Variants in KCNIP4 observed in about 807,000 individuals in gnomAD.
The protein encoded by KCNIP4 is Kv channel-interacting protein 4.
KCNIP4 carries 12 observed loss-of-function variants against 34.0 expected under a neutral mutation model. The observed-to-expected ratio is 0.35, with a 90% CI of 0.23 to 0.57. KCNIP4 has a LOEUF of 0.57. KCNIP4 is among the 20% of genes least tolerant of loss of function. The pLI is 0.83. For missense variants in KCNIP4, 238 were observed against 311.7 expected, an observed-to-expected ratio of 0.76 and a Z score of 1.78; for synonymous variants, 124 against 102.2, an observed-to-expected ratio of 1.21 and a Z score of -1.29.
intron 1 of KCNIP4, among the ~76,000 whole-genome samples, chr4:21,227,846 G>A (rs1758513265): frequency 6.6e-6 from 1 of 152,140 alleles, no homozygotes; most frequent in Non-Finnish European, 1.5e-5. Context: ...TACTCCTGGA[G>A]GAGCGGACAG....
At chr4:21,566,585 T>C (rs972639928) in intron 1 of KCNIP4, among the ~76,000 whole-genome samples, 8 of 152,178 alleles carry the variant, frequency 5.3e-5, no homozygotes, top group African/African-American at 1.7e-4. Context: ...CTGTACAGTT[T>C]ATGGAACTGT....
chr4:21,457,151 A>T (rs1485891543), intron 1 of KCNIP4, among the ~76,000 whole-genome samples: 1 of 151,824 alleles, frequency 6.6e-6, no homozygotes, highest in Non-Finnish European at 1.5e-5. Context: ...TGGAGTCTAG[A>T]TTTCTTCCTT....
At chr4:21,319,097 G>A (rs1018794327) in intron 1 of KCNIP4, among the ~76,000 whole-genome samples, 1 of 152,268 alleles carries the variant, frequency 6.6e-6, no homozygotes, top group Non-Finnish European at 1.5e-5. Flanking sequence ...TACATTCAAC[G>A]AGGCGCGAAT....
chr4:20,768,366 A>G (rs370749975), intron 3 of KCNIP4, among the ~76,000 whole-genome samples: 7 of 152,206 alleles, frequency 4.6e-5, no homozygotes, highest in African/African-American at 1.4e-4. Flanking sequence ...CACAATGACT[A>G]TGATCGCAGA....
At chr4:20,992,955 G>A (rs1053739559) in intron 1 of KCNIP4, among the ~76,000 whole-genome samples, 2 of 150,456 alleles carry the variant, frequency 1.3e-5, no homozygotes, top group Non-Finnish European at 2.9e-5. Flanking sequence ...TTGAACCTGG[G>A]GAGTGGAGGT....
chr4:20,731,444 C>G, intron 8 of KCNIP4: 1 of 985,330 alleles, frequency 1.0e-6, no homozygotes, highest in Non-Finnish European at 1.2e-6. Flanking sequence ...ACACTGGTTT[C>G]TTTGATAACA....
chr4:20,874,928 T>C (rs989094047), intron 2 of KCNIP4, among the ~76,000 whole-genome samples: 1 of 152,172 alleles, frequency 6.6e-6, no homozygotes, highest in African/African-American at 2.4e-5. Context: ...CTGCCTTTCA[T>C]GGACAGTGAA....
chr4:20,910,146 A>T (rs553961170), intron 1 of KCNIP4, among the ~76,000 whole-genome samples: 1 of 151,994 alleles, frequency 6.6e-6, no homozygotes, highest in South Asian at 2.1e-4. Context: ...TATAATAATG[A>T]TTTTCTTCAT....
At chr4:21,104,560 T>C (rs1471514107) in intron 1 of KCNIP4, among the ~76,000 whole-genome samples, 1 of 152,162 alleles carries the variant, frequency 6.6e-6, no homozygotes, top group Non-Finnish European at 1.5e-5. Flanking sequence ...TTCACTCTGA[T>C]GGTAGTTTCT....
chr4:21,132,692 C>A (rs1314893587), intron 1 of KCNIP4, among the ~76,000 whole-genome samples: 2 of 151,924 alleles, frequency 1.3e-5, no homozygotes. Context: ...GTAGCAGATG[C>A]AGATTTATAA....
At chr4:21,724,767 A>T (rs1313852700) in intron 1 of KCNIP4, among the ~76,000 whole-genome samples, 1 of 152,080 alleles carries the variant, frequency 6.6e-6, no homozygotes, top group African/African-American at 2.4e-5. Flanking sequence ...GATGATGGAG[A>T]CTGAAAGGTT....
At chr4:21,005,176 C>G (rs1332765311) in intron 1 of KCNIP4, among the ~76,000 whole-genome samples, 1 of 152,096 alleles carries the variant, frequency 6.6e-6, no homozygotes, top group African/African-American at 2.4e-5. Context: ...CCAATAAAAA[C>G]AGGGGTTCCC....
At chr4:21,438,122 T>C (rs1412655257) in intron 1 of KCNIP4, among the ~76,000 whole-genome samples, 1 of 152,190 alleles carries the variant, frequency 6.6e-6, no homozygotes, top group East Asian at 1.9e-4. Flanking sequence ...GCAAAGTTTC[T>C]GTCTTATAAA....
chr4:20,905,684 G>T (rs1727682711), intron 1 of KCNIP4, among the ~76,000 whole-genome samples: 1 of 145,174 alleles, frequency 6.9e-6, no homozygotes. Context: ...GCTAAGTTTT[G>T]AAATTTTTTT....
At chr4:20,949,402 C>A (rs983432334) in intron 1 of KCNIP4, among the ~76,000 whole-genome samples, 1 of 152,150 alleles carries the variant, frequency 6.6e-6, no homozygotes, top group Non-Finnish European at 1.5e-5. Flanking sequence ...TTGGATGATG[C>A]AAAGATTGGA....
chr4:21,252,026 A>T (rs1760740421), intron 1 of KCNIP4, among the ~76,000 whole-genome samples: 1 of 151,784 alleles, frequency 6.6e-6, no homozygotes, highest in Admixed American at 6.6e-5. Context: ...ATAATAATAA[A>T]AGAAATATAA....
At chr4:20,821,575 C>T (rs1379090788) in intron 3 of KCNIP4, among the ~76,000 whole-genome samples, 1 of 152,038 alleles carries the variant, frequency 6.6e-6, no homozygotes, top group African/African-American at 2.4e-5. Context: ...TTTTGGTGCA[C>T]CTGTTACCTG....
At chr4:21,079,225 G>T (rs979775827) in intron 1 of KCNIP4, among the ~76,000 whole-genome samples, 4 of 151,856 alleles carry the variant, frequency 2.6e-5, no homozygotes, top group Admixed American at 2.0e-4. Flanking sequence ...CCATTTTTTG[G>T]CATCTCACAC....
intron 1 of KCNIP4, among the ~76,000 whole-genome samples, chr4:21,802,450 G>T (rs1006347813): frequency 6.6e-6 from 1 of 152,108 alleles, no homozygotes; most frequent in Non-Finnish European, 1.5e-5. Flanking sequence ...ATAAAGGTTT[G>T]TGCCTCTAAG....
Sources: gnomAD v4.1 joint callset for allele counts (sites outside exome capture counted in the v4.1 genomes callset) on GRCh38, gnomAD v4.1.1 for gene constraint, MANE v1.5 for transcripts, NCBI Gene and HGNC (gene_info 2026-07-23, HGNC 2026-07-21) for gene names.